CACHD1: variants seen among roughly 807,000 people sequenced by gnomAD.
CACHD1 encodes the protein cache domain containing 1, also known as VWFA and cache domain-containing protein 1.
CACHD1 carries 71 observed loss-of-function variants against 138.7 expected under a neutral mutation model. The ratio of observed to expected loss-of-function variants is 0.51; its 90% CI spans 0.42 to 0.62. The LOEUF (loss-of-function observed/expected upper bound fraction) is 0.62. Ranked by LOEUF, CACHD1 falls within the 20% of genes least tolerant of loss-of-function variation. The probability of loss-of-function intolerance (pLI) is 0.00; values close to 1 mark genes in which losing one functional copy is unlikely to be tolerated. For missense variants in CACHD1, 1,389 were observed against 1,625.3 expected, an observed-to-expected ratio of 0.85 and a Z score of 2.50; for synonymous variants, 578 against 591.5, an observed-to-expected ratio of 0.98 and a Z score of 0.33.
chr1:64,541,523 T>TG (rs1286622392), intron 1 of CACHD1, among the ~76,000 whole-genome samples: 2 of 152,122 alleles, frequency 1.3e-5, no homozygotes, highest in African/African-American at 4.8e-5. Context: ...CAATGAGGTG[T>TG]GGGGCTGGGA....
chr1:64,577,624 C>A (rs1646978738), intron 2 of CACHD1, among the ~76,000 whole-genome samples: 1 of 152,116 alleles, frequency 6.6e-6, no homozygotes, highest in Non-Finnish European at 1.5e-5. Context: ...AAGTGTGCAC[C>A]TAATAGGGTC....
intron 25 of CACHD1, 99 bp downstream of exon 25, chr1:64,681,434 G>GTAAA: frequency 1.0e-6 from 1 of 961,918 alleles, no homozygotes; most frequent in Non-Finnish European, 1.6e-6. Context: ...TAAAATTTAA[G>GTAAA]AAGCTTTGAC....
intron 2 of CACHD1, among the ~76,000 whole-genome samples, chr1:64,574,228 T>G (rs1646948655): frequency 6.6e-6 from 1 of 152,222 alleles, no homozygotes; most frequent in Non-Finnish European, 1.5e-5. Flanking sequence ...AGCACGAGCT[T>G]GGGCAAACCA....
chr1:64,547,446 A>G (rs537681306), intron 1 of CACHD1, among the ~76,000 whole-genome samples: 1 of 152,124 alleles, frequency 6.6e-6, no homozygotes, highest in African/African-American at 2.4e-5. Context: ...ACTCACTGCA[A>G]CCTCTGCCTC....
At position 64,583,789 on chromosome 1, in the gene CACHD1, G is replaced by C. The variant is rs567473343; in HGVS notation, c.410+1485G>C. On this transcript the variant is annotated intron_variant, in intron 3 of 26. Coordinates refer to ENST00000651257, the MANE Select transcript of CACHD1 (RefSeq NM_020925.4). ...GTGGCAGGAAAGAGTGTGTACAGGG[G>C]AGCTGCCCTTTATAAAACCGTCAGA... 1.6e-3 allele frequency among the ~76,000 whole-genome samples: 239 copies of C among 152,196 alleles called. 1 individual carries two copies. The highest frequency in any genetic ancestry group is 5.4e-3 in the African/African-American group (225 of 41,530).
At chr1:64,538,548 G>GT (rs966421525) in intron 1 of CACHD1, among the ~76,000 whole-genome samples, 8 of 152,130 alleles carry the variant, frequency 5.3e-5, no homozygotes, top group Admixed American at 3.9e-4. Context: ...CCAATTTCCT[G>GT]TTTTTTATGT....
chr1:64,675,972 T>C lies in CACHD1; in HGVS notation c.2964T>C (p.Asn988=), dbSNP rs1033113672. 1.3e-5 allele frequency: 17 copies of C among 1,324,476 alleles called. No homozygotes were observed. Among genetic ancestry groups the C allele is most frequent in the Non-Finnish European group, 5.0e-6 (5 of 1,002,184 alleles). The allele number at this position is 1,324,476 out of a possible 1,614,324, so 82.0% of individuals were successfully genotyped here. ...ATGAGTGCACTGGCAACCTCACCAATGCAGAGAACCGGTAAAATAATTAAT... is the reference window on the plus strand; with the variant it reads ...ATGAGTGCACTGGCAACCTCACCAACGCAGAGAACCGGTAAAATAATTAAT... ...EVNECTGNLT[N]AENRNPSCEV... Residue 988 remains asparagine, a synonymous_variant, in exon 21 of 27, where the codon AAT becomes AAC. Coordinates refer to ENST00000651257, the MANE Select transcript of CACHD1 (RefSeq NM_020925.4).
At chr1:64,684,973 C>G (rs1474639053) in intron 26 of CACHD1, among the ~76,000 whole-genome samples, 1 of 152,124 alleles carries the variant, frequency 6.6e-6, no homozygotes, top group Admixed American at 6.5e-5. Context: ...CCATGCCCGG[C>G]TAATTTTGTA....
chr1:64,633,451 G>C (rs970878142), intron 6 of CACHD1, among the ~76,000 whole-genome samples: 21 of 152,274 alleles, frequency 1.4e-4, no homozygotes, highest in African/African-American at 5.1e-4. Flanking sequence ...ACGCTGAGGA[G>C]GAGAGGGGTG....
chr1:64,526,459 C>T (rs1279277422), intron 1 of CACHD1, among the ~76,000 whole-genome samples: 6 of 151,996 alleles, frequency 3.9e-5, no homozygotes, highest in South Asian at 2.1e-4. Context: ...ACGTTATTCC[C>T]GGAAGAAAAG....
At chr1:64,471,605 C>T (rs1036587972) in intron 1 of CACHD1, among the ~76,000 whole-genome samples, 4 of 152,236 alleles carry the variant, frequency 2.6e-5, no homozygotes, top group Non-Finnish European at 5.9e-5. Context: ...AGACTCCCGA[C>T]TCTAATCCTG....
rs181236933 is a variant in CACHD1, at chr1:64,577,180, A to C, written c.262-4976A>C. On this transcript the variant is annotated intron_variant, in intron 2 of 26. Coordinates refer to ENST00000651257, the MANE Select transcript of CACHD1 (RefSeq NM_020925.4). The stretch of plus-strand genomic sequence containing the variant: ...AGACTGGTCTTGAACTCTTGGGCTC[A>C]AGTGATCCACCTGCCTCAGCCTCCC... 7.9e-5 allele frequency among the ~76,000 whole-genome samples: 12 copies of C among 152,216 alleles called. No individual in the cohort carries two copies. In the East Asian group the frequency reaches 2.1e-3, roughly 27 times the overall value.
chr1:64,534,340 G>C (rs307340), intron 1 of CACHD1, among the ~76,000 whole-genome samples: 3 of 152,022 alleles, frequency 2.0e-5, no homozygotes, highest in Non-Finnish European at 4.4e-5. Context: ...CACCGCGCCC[G>C]GCCATCTTTT....
At chr1:64,606,068 C>T (rs532627796) in intron 4 of CACHD1, among the ~76,000 whole-genome samples, 79 of 149,270 alleles carry the variant, frequency 5.3e-4, no homozygotes, top group Non-Finnish European at 9.4e-4. Flanking sequence ...ATGCCTTCTG[C>T]ATAGTAAGTA....
intron 4 of CACHD1, among the ~76,000 whole-genome samples, chr1:64,610,581 T>C (rs1053230137): frequency 1.9e-4 from 29 of 152,208 alleles, no homozygotes; most frequent in African/African-American, 7.0e-4. Context: ...TGACTAGATG[T>C]CCCACATCCA....
intron 4 of CACHD1, among the ~76,000 whole-genome samples, chr1:64,611,155 C>A (rs368959361): frequency 2.6e-5 from 4 of 152,286 alleles, no homozygotes; most frequent in African/African-American, 9.6e-5. Context: ...TGAGCCTGGC[C>A]AAAGAAACCA....
intron 1 of CACHD1, among the ~76,000 whole-genome samples, chr1:64,472,162 G>A (rs1646149154): frequency 6.9e-6 from 1 of 144,926 alleles, no homozygotes; most frequent in Non-Finnish European, 1.5e-5. Context: ...TCACTTTTGG[G>A]ATTTAGGTTT....
At chr1:64,569,263 T>TA (rs1274503583) in intron 2 of CACHD1, among the ~76,000 whole-genome samples, 1 of 152,050 alleles carries the variant, frequency 6.6e-6, no homozygotes, top group African/African-American at 2.4e-5. Flanking sequence ...GAAATACAAA[T>TA]AAAAAAATAA....
intron 7 of CACHD1, among the ~76,000 whole-genome samples, chr1:64,635,493 C>T (rs1240823652): frequency 2.7e-5 from 4 of 150,880 alleles, no homozygotes; most frequent in Non-Finnish European, 5.9e-5. Flanking sequence ...AAGCGATTCT[C>T]CTGCCTCAGC....
Sources: allele counts gnomAD v4.1 joint callset (sites outside exome capture counted in the v4.1 genomes callset), GRCh38; gene constraint gnomAD v4.1.1; transcripts MANE v1.5; gene names NCBI Gene and HGNC (gene_info 2026-07-23, HGNC 2026-07-21).